The following SEMA3A variants were observed in gnomAD, a reference collection of about 807,000 sequenced individuals.
The protein encoded by SEMA3A is semaphorin-3A.
SEMA3A carries 29 observed loss-of-function variants against 97.9 expected under a neutral mutation model. That is an observed-to-expected ratio of 0.30 (90% CI 0.22 to 0.40). The LOEUF (loss-of-function observed/expected upper bound fraction) is 0.40, where lower values mean the gene tolerates loss of function less well. Ranked by LOEUF, SEMA3A falls within the 10% of genes least tolerant of loss-of-function variation. The probability of loss-of-function intolerance (pLI) is 1.00; values close to 1 mark genes in which losing one functional copy is unlikely to be tolerated. For synonymous variants in SEMA3A, 321 were observed against 323.7 expected (o/e 0.99, Z 0.09); for missense variants, 763 against 951.3 (o/e 0.80, Z 2.60).
chr7:84,119,810 C>T (rs183033250), intron 3 of SEMA3A, among the ~76,000 whole-genome samples: 1 of 152,036 alleles, frequency 6.6e-6, no homozygotes, highest in East Asian at 1.9e-4. Flanking sequence ...AAGATATTGG[C>T]CAAAATCTTT....
At chr7:84,130,821 C>T (rs1356226151) in intron 2 of SEMA3A, among the ~76,000 whole-genome samples, 1 of 152,036 alleles carries the variant, frequency 6.6e-6, no homozygotes, top group Non-Finnish European at 1.5e-5. Context: ...TCATATTCAG[C>T]TTTCCAGCTA....
chr7:84,134,915 C>T lies in SEMA3A; in HGVS notation c.149G>A (p.Gly50Asp), dbSNP rs555780215. 2 of 1,613,714 alleles carry T rather than the reference C, an allele frequency of 1.2e-6. No individual in the cohort carries two copies. Among genetic ancestry groups the T allele is most frequent in the East Asian group, 2.2e-5 (1 of 44,830 alleles). Residue 50 changes from glycine (G) to aspartate (D), a missense_variant, in exon 2 of 17, where the codon GGC becomes GAC. Gly to Asp is a moderately conservative substitution (Grantham distance 94). This residue lies in a region of SEMA3A where 85 missense variants were observed against 70.0 expected (regional missense o/e 1.21). Transcript: ENST00000265362. ...ATGATAACTGGAGCTGTTGGCCAAG[C>T]CATTGAAAGTGATCACATTGTTGGA... is the stretch of plus-strand genomic sequence containing the variant. ...LESNNVITFN[G>D]LANSSSYHTF... is the part of the protein sequence containing the mutation.
intron 1 of SEMA3A, among the ~76,000 whole-genome samples, chr7:84,144,376 T>C (rs1050413610): frequency 1.3e-5 from 2 of 152,000 alleles, no homozygotes; most frequent in Non-Finnish European, 2.9e-5. Context: ...TTAATTCTGG[T>C]TGCAAAAGTT....
intron 1 of SEMA3A, among the ~76,000 whole-genome samples, chr7:84,402,845 T>C (rs952436231): frequency 6.6e-6 from 1 of 152,156 alleles, no homozygotes; most frequent in Non-Finnish European, 1.5e-5. Flanking sequence ...TTCTCATTCA[T>C]GTCTGGGGGC....
chr7:84,429,818 T>C (rs1277317365), intron 1 of SEMA3A, among the ~76,000 whole-genome samples: 1 of 151,582 alleles, frequency 6.6e-6, no homozygotes, highest in African/African-American at 2.4e-5. Flanking sequence ...TTTTATTTAC[T>C]GTAAGGAAAA....
At chr7:83,974,373 A>G (rs1789051489) in intron 15 of SEMA3A, among the ~76,000 whole-genome samples, 39 of 152,118 alleles carry the variant, frequency 2.6e-4, no homozygotes, top group Admixed American at 2.6e-3. Context: ...GTTATTCTGT[A>G]TATAGTCTCT....
At chr7:84,095,518 G>C (rs1419470825) in intron 4 of SEMA3A, among the ~76,000 whole-genome samples, 2 of 150,264 alleles carry the variant, frequency 1.3e-5, no homozygotes, top group African/African-American at 4.9e-5. Flanking sequence ...AAGGTCTGAG[G>C]CTATAAATAA....
At chr7:84,468,530 T>C (rs903117938) in intron 1 of SEMA3A, among the ~76,000 whole-genome samples, 2 of 152,216 alleles carry the variant, frequency 1.3e-5, no homozygotes, top group Non-Finnish European at 2.9e-5. Context: ...CAACGTTAAC[T>C]TGGAATGCTC....
chr7:84,061,743 G>A (rs1793224361), intron 4 of SEMA3A, among the ~76,000 whole-genome samples: 1 of 151,888 alleles, frequency 6.6e-6, no homozygotes, highest in African/African-American at 2.4e-5. Flanking sequence ...AGGGACGAAA[G>A]TTAAAAAAAA....
At chr7:84,029,115 A>T (rs1319057441) in intron 6 of SEMA3A, among the ~76,000 whole-genome samples, 1 of 152,224 alleles carries the variant, frequency 6.6e-6, no homozygotes, top group African/African-American at 2.4e-5. Flanking sequence ...ATATTAACCT[A>T]ATTTAGACTA....
At chr7:84,015,757 T>A (rs1390675687) in intron 6 of SEMA3A, among the ~76,000 whole-genome samples, 1 of 152,198 alleles carries the variant, frequency 6.6e-6, no homozygotes, top group Non-Finnish European at 1.5e-5. Flanking sequence ...ATTTGTCCTA[T>A]GCGTGTAACC....
chr7:84,319,413 G>A (rs190769032), intron 2 of SEMA3A, among the ~76,000 whole-genome samples: 3 of 151,900 alleles, frequency 2.0e-5, no homozygotes, highest in Admixed American at 6.6e-5. Context: ...GGGGAAGGGG[G>A]TAAAGAGGTA....
Position 84,150,330 on chromosome 7 carries a change from G to C in SEMA3A, c.113-15379C>G, listed in dbSNP as rs531165320. 2.6e-4 allele frequency among the ~76,000 whole-genome samples: 39 copies of C among 152,272 alleles called. 1 individual carries two copies. In the East Asian group the frequency reaches 7.0e-3, roughly 27 times the overall value. The stretch of plus-strand genomic sequence containing the variant: ...TTTCTGCATTTCCATCTGAGGTACC[G>C]GGTTCATCTCACTGGGGAGTGCCAG... On this transcript the variant is annotated intron_variant, in intron 1 of 16. Coordinates refer to ENST00000265362, the MANE Select transcript of SEMA3A (RefSeq NM_006080.3).
chr7:84,310,464 T>C (rs1801285804), intron 2 of SEMA3A, among the ~76,000 whole-genome samples: 1 of 152,020 alleles, frequency 6.6e-6, no homozygotes. Context: ...ACAAGCATAG[T>C]TTTCACTTGT....
chr7:84,014,389 C>A, intron 6 of SEMA3A, 38 bp from the exon 7 acceptor site: 1 of 1,513,840 alleles, frequency 6.6e-7, no homozygotes, highest in Non-Finnish European at 9.1e-7. Context: ...TAATTCACAG[C>A]TTAATAAATA....
At chr7:84,084,750 G>A (rs977259898) in intron 4 of SEMA3A, among the ~76,000 whole-genome samples, 13 of 151,974 alleles carry the variant, frequency 8.6e-5, no homozygotes, top group Non-Finnish European at 1.2e-4. Context: ...TTTAAAAAAC[G>A]CAAAGCACTT....
At chr7:84,280,236 C>A (rs555961522) in intron 3 of SEMA3A, among the ~76,000 whole-genome samples, 5 of 152,200 alleles carry the variant, frequency 3.3e-5, no homozygotes, top group Non-Finnish European at 7.4e-5. Context: ...ATAGTTCGGC[C>A]TCCCGGTCAA....
chr7:84,048,641 G>C (rs1253230813), intron 5 of SEMA3A, among the ~76,000 whole-genome samples: 2 of 151,670 alleles, frequency 1.3e-5, no homozygotes, highest in Non-Finnish European at 2.9e-5. Flanking sequence ...TAAATTACTG[G>C]TTGAACCTCT....
rs546535562 is a variant in SEMA3A at position 83,985,634 on chromosome 7, T to C, written c.1453-157A>G. ...AAATAAGACACATAAAGAAACTGCA[T>C]AGATAAGGGTCAAATATGTGGAGCA... On this transcript the variant is annotated intron_variant, in intron 12 of 16. Coordinates refer to ENST00000265362, the MANE Select transcript of SEMA3A (RefSeq NM_006080.3). Among the ~76,000 whole-genome samples, 464 of 152,230 alleles carry C rather than the reference T, an allele frequency of 3.0e-3. 2 individuals are homozygous for C. Among genetic ancestry groups the C allele is most frequent in the African/African-American group, 0.01 (432 of 41,544 alleles).
Sources: allele counts gnomAD v4.1 joint callset (sites outside exome capture counted in the v4.1 genomes callset), GRCh38; gene constraint gnomAD v4.1.1; regional missense constraint gnomAD v4.1.1; transcripts MANE v1.5; gene names NCBI Gene and HGNC (gene_info 2026-07-23, HGNC 2026-07-21).